Variants in VDR observed in about 807,000 individuals in gnomAD.
VDR encodes the protein vitamin D receptor.
A neutral mutation model predicts 39.7 loss-of-function variants in VDR; 19 were observed. That is an observed-to-expected ratio of 0.48 (90% confidence interval 0.33 to 0.70). The LOEUF (loss-of-function observed/expected upper bound fraction) is 0.70, where lower values mean the gene tolerates loss of function less well. Among genes scored for constraint, VDR ranks in the 30% least tolerant of loss-of-function variants. VDR has a pLI of 0.02. For missense variants in VDR, 442 were observed against 570.5 expected (o/e 0.77, Z 2.29); for synonymous variants, 242 against 215.8 (o/e 1.12, Z -1.07).
intron 1 of VDR, among the ~76,000 whole-genome samples, chr12:47,890,941 G>A (rs1946358389): frequency 6.6e-6 from 1 of 152,190 alleles, no homozygotes; most frequent in Admixed American, 6.5e-5. Context: ...GCCTGCCCAG[G>A]CCTGAGCCAC....
chr12:47,892,124 A>C (rs1029977867), intron 1 of VDR, among the ~76,000 whole-genome samples: 1 of 152,186 alleles, frequency 6.6e-6, no homozygotes, highest in Non-Finnish European at 1.5e-5. Flanking sequence ...CCATTCACTT[A>C]TCCTGGGATA....
Position 47,844,468 on chromosome 12 carries a change from C to T in VDR, c.*278G>A. On this transcript the variant is annotated 3_prime_UTR_variant, in exon 10 of 10. Coordinates refer to ENST00000549336, the MANE Select transcript of VDR (RefSeq NM_000376.3). ...CGGTGGAGGCATCTCTGGGCAAGGC[C>T]CTGCCTCCAGCCTCTGCCCTCTGCC... 1.7e-6 allele frequency: 1 copy of T among 576,408 alleles called. No homozygotes were observed. Among genetic ancestry groups the T allele is most frequent in the Non-Finnish European group, 3.1e-6 (1 of 321,574 alleles). The allele number at this position is 576,408 out of a possible 1,614,324, so 35.7% of individuals were successfully genotyped here. A position where few individuals can be genotyped will look rare whatever the true frequency, so the allele number is the denominator to read the frequency against.
In VDR at chr12:47,875,844, G is replaced by A. The variant is rs551740151; in HGVS notation, c.146+3124C>T. 8.5e-4 allele frequency among the ~76,000 whole-genome samples: 130 copies of A among 152,158 alleles called. 1 individual carries two copies. The highest frequency in any genetic ancestry group is 1.7e-3 in the Non-Finnish European group (117 of 68,024). Reference sequence around the variant, plus strand: ...AAAGATATCTTATTCAATAGATATTGTTGGTTGAGTTATTAACATTGATCA... The same window carrying A: ...AAAGATATCTTATTCAATAGATATTATTGGTTGAGTTATTAACATTGATCA... On this transcript the variant is annotated intron_variant, in intron 3 of 9. Coordinates refer to ENST00000549336, the MANE Select transcript of VDR (RefSeq NM_000376.3).
chr12:47,888,478 T>C (rs1946303260), intron 1 of VDR, among the ~76,000 whole-genome samples: 1 of 152,210 alleles, frequency 6.6e-6, no homozygotes, highest in African/African-American at 2.4e-5. Flanking sequence ...AGGAGATATA[T>C]GGCTTACTTA....
intron 1 of VDR, among the ~76,000 whole-genome samples, chr12:47,897,392 G>A (rs1946481949): frequency 6.6e-6 from 1 of 152,194 alleles, no homozygotes; most frequent in Admixed American, 6.5e-5. Context: ...GGCTGGAGAA[G>A]GTAGAGCCCT....
intron 7 of VDR, among the ~76,000 whole-genome samples, chr12:47,851,423 C>G (rs1945385493): frequency 6.6e-6 from 1 of 152,130 alleles, no homozygotes; most frequent in Non-Finnish European, 1.5e-5. Context: ...ACAGCCCATC[C>G]AGCCCTGCCC....
chr12:47,881,575 G>A (rs371782742), intron 2 of VDR, among the ~76,000 whole-genome samples: 4 of 152,078 alleles, frequency 2.6e-5, no homozygotes, highest in Non-Finnish European at 5.9e-5. Context: ...TATAGTAGCA[G>A]TATTCTATTT....
chr12:47,866,718 A>G (rs371460996), intron 3 of VDR, among the ~76,000 whole-genome samples: 5 of 152,328 alleles, frequency 3.3e-5, no homozygotes, highest in East Asian at 1.9e-4. Flanking sequence ...AGCTGGGCAC[A>G]GTGGCTCAGG....
At chr12:47,902,488 C>T (rs1233956172) in intron 1 of VDR, among the ~76,000 whole-genome samples, 1 of 152,228 alleles carries the variant, frequency 6.6e-6, no homozygotes, top group Non-Finnish European at 1.5e-5. Flanking sequence ...TGCTATCCCT[C>T]AGAGGGCCTG....
chr12:47,884,302 T>A (rs1447398076), intron 1 of VDR, among the ~76,000 whole-genome samples: 1 of 152,196 alleles, frequency 6.6e-6, no homozygotes, highest in Admixed American at 6.5e-5. Context: ...AAGCTCTGCA[T>A]ACATTATTTC....
intron 1 of VDR, among the ~76,000 whole-genome samples, chr12:47,903,257 A>G (rs974729298): frequency 2.0e-5 from 3 of 151,500 alleles, no homozygotes; most frequent in African/African-American, 2.5e-5. Context: ...CAGAGCATAG[A>G]CTGTGAATTC....
intron 4 of VDR, among the ~76,000 whole-genome samples, chr12:47,859,102 G>A (rs1945555486): frequency 6.6e-6 from 1 of 152,204 alleles, no homozygotes; most frequent in South Asian, 2.1e-4. Flanking sequence ...AGAGGAAGGG[G>A]CAGGGAGCAT....
chr12:47,879,185 C>T (rs1444602998), intron 2 of VDR, 70 bp from the exon 3 acceptor site: 7 of 1,555,240 alleles, frequency 4.5e-6, no homozygotes, highest in Middle Eastern at 2.3e-4. Flanking sequence ...ATCCTTGGTG[C>T]CACCCACCCC....
intron 2 of VDR, among the ~76,000 whole-genome samples, chr12:47,880,711 C>T (rs1235196670): frequency 1.3e-5 from 2 of 151,798 alleles, no homozygotes; most frequent in African/African-American, 4.8e-5. Context: ...GTGGTTTTGG[C>T]CATCAAAAAT....
At chr12:47,861,587 T>A (rs376121666) in intron 4 of VDR, among the ~76,000 whole-genome samples, 5 of 152,372 alleles carry the variant, frequency 3.3e-5, no homozygotes, top group East Asian at 1.9e-4. Context: ...TACTATCATA[T>A]AGGAAGACAC....
intron 1 of VDR, among the ~76,000 whole-genome samples, chr12:47,900,147 G>T (rs1946533582): frequency 6.6e-6 from 1 of 152,176 alleles, no homozygotes; most frequent in Admixed American, 6.5e-5. Context: ...TCCTACCTCT[G>T]TTGGGTTCTT....
chr12:47,871,276 C>G (rs532713379), intron 3 of VDR, among the ~76,000 whole-genome samples: 1 of 138,560 alleles, frequency 7.2e-6, no homozygotes, highest in South Asian at 2.2e-4. Context: ...TCTTTCTTTT[C>G]TCTTTCTTTC....
chr12:47,858,547 C>G (rs1945544584), intron 4 of VDR, among the ~76,000 whole-genome samples: 1 of 152,244 alleles, frequency 6.6e-6, no homozygotes, highest in East Asian at 1.9e-4. Context: ...AGAGCCCCAC[C>G]ACCACCTGCA....
chr12:47,883,528 G>A (rs1281764716), intron 1 of VDR, among the ~76,000 whole-genome samples: 2 of 152,212 alleles, frequency 1.3e-5, no homozygotes, highest in Non-Finnish European at 2.9e-5. Flanking sequence ...TGGCTGGGGG[G>A]CCAGCAAGGA....
Sources: allele counts gnomAD v4.1 joint callset (sites outside exome capture counted in the v4.1 genomes callset), GRCh38; gene constraint gnomAD v4.1.1; transcripts MANE v1.5; gene names NCBI Gene and HGNC (gene_info 2026-07-23, HGNC 2026-07-21).